HS2ST1: variants seen among roughly 807,000 people sequenced by gnomAD.
HS2ST1 encodes the protein heparan sulfate 2-O-sulfotransferase 1.
In HS2ST1, 18 loss-of-function variants were observed where a neutral mutation model predicts 42.9. That is an observed-to-expected ratio of 0.42 (90% CI 0.29 to 0.62). The LOEUF (loss-of-function observed/expected upper bound fraction) is 0.62. Among genes scored for constraint, HS2ST1 ranks in the 20% least tolerant of loss-of-function variants. The probability of loss-of-function intolerance (pLI) is 0.21; values close to 1 mark genes in which losing one functional copy is unlikely to be tolerated. For synonymous variants in HS2ST1, 146 were observed against 152.9 expected (o/e 0.95, Z 0.33); for missense variants, 334 against 433.8 (o/e 0.77, Z 2.04).
chr1:86,960,843 CA>C (rs932786587), intron 1 of HS2ST1, among the ~76,000 whole-genome samples: 2 of 151,894 alleles, frequency 1.3e-5, no homozygotes, highest in African/African-American at 4.8e-5. Flanking sequence ...TAATAACCTT[CA>C]AAAGACACTT....
intron 1 of HS2ST1, among the ~76,000 whole-genome samples, chr1:86,933,299 T>A (rs1451010661): frequency 6.6e-6 from 1 of 152,192 alleles, no homozygotes; most frequent in Non-Finnish European, 1.5e-5. Context: ...TTATCCATAG[T>A]TACACCTTTT....
chr1:87,076,191 T>C (rs1383902003), intron 2 of HS2ST1, among the ~76,000 whole-genome samples: 2 of 152,096 alleles, frequency 1.3e-5, no homozygotes, highest in African/African-American at 4.8e-5. Context: ...GTCAGTATCA[T>C]AACAACCAAA....
intron 1 of HS2ST1, among the ~76,000 whole-genome samples, chr1:87,006,489 T>A (rs1313716187): frequency 6.6e-6 from 1 of 152,158 alleles, no homozygotes; most frequent in East Asian, 1.9e-4. Context: ...TGATGAAGCC[T>A]ATTATCATGA....
chr1:87,048,922 C>T (rs879940090), intron 1 of HS2ST1, among the ~76,000 whole-genome samples: 1 of 152,104 alleles, frequency 6.6e-6, no homozygotes, highest in Non-Finnish European at 1.5e-5. Flanking sequence ...AGGCTGGCTT[C>T]AGAGACTCAA....
At chr1:87,064,204 T>C (rs1014903371) in intron 1 of HS2ST1, among the ~76,000 whole-genome samples, 5 of 152,324 alleles carry the variant, frequency 3.3e-5, no homozygotes, top group Non-Finnish European at 5.9e-5. Context: ...GAGAATAGGT[T>C]TTTGTAGGGA....
chr1:86,975,198 T>G (rs1648361850), intron 1 of HS2ST1, among the ~76,000 whole-genome samples: 1 of 152,126 alleles, frequency 6.6e-6, no homozygotes, highest in African/African-American at 2.4e-5. Context: ...TACGCATATT[T>G]TAAAATCATG....
chr1:86,980,567 G>A (rs72951409), intron 1 of HS2ST1, among the ~76,000 whole-genome samples: 3,582 of 152,084 alleles, frequency 0.024, 70 homozygotes, highest in African/African-American at 0.049. Flanking sequence ...ATAATTTAGG[G>A]ATGATGTTTA....
intron 1 of HS2ST1, among the ~76,000 whole-genome samples, chr1:86,982,883 C>T (rs928606129): frequency 6.6e-6 from 1 of 152,190 alleles, no homozygotes; most frequent in South Asian, 2.1e-4. Context: ...TCGTCTCTCT[C>T]AAGTTCAAAG....
chr1:87,016,833 T>C lies in HS2ST1; in HGVS notation c.125-56101T>C, dbSNP rs538996982. On this transcript the variant is annotated intron_variant, in intron 1 of 6. Transcript: ENST00000370550. ...GAGTTGCTATAGGATGGTGGAGATT[T>C]TTGACCGTCAGTTTCTTTAATGGTT... Among the ~76,000 whole-genome samples, 58 of 151,164 alleles carry C rather than the reference T, an allele frequency of 3.8e-4. No individual in the cohort carries two copies. In the South Asian group the frequency reaches 0.012, roughly 31 times the overall value.
intron 5 of HS2ST1, among the ~76,000 whole-genome samples, chr1:87,099,602 T>C (rs973562676): frequency 6.6e-6 from 1 of 152,196 alleles, no homozygotes; most frequent in Non-Finnish European, 1.5e-5. Flanking sequence ...CCAAACCATA[T>C]TATTCTGCCC....
At chr1:86,971,735 T>C (rs966774772) in intron 1 of HS2ST1, among the ~76,000 whole-genome samples, 1 of 152,226 alleles carries the variant, frequency 6.6e-6, no homozygotes, top group Non-Finnish European at 1.5e-5. Context: ...CATTGCATCA[T>C]GTTTTTGATC....
At chr1:87,003,542 TG>T (rs1649349885) in intron 1 of HS2ST1, among the ~76,000 whole-genome samples, 2 of 152,194 alleles carry the variant, frequency 1.3e-5, no homozygotes, top group Admixed American at 6.5e-5. Context: ...CGTCAATTTT[TG>T]TAATTTCTTT....
intron 1 of HS2ST1, chr1:86,956,589 A>G (rs1418133985): frequency 6.6e-6 from 1 of 152,148 alleles, no homozygotes; most frequent in Non-Finnish European, 1.5e-5. Context: ...TTTTTCTTCT[A>G]TAAATTCTTT....
chr1:87,058,043 T>C (rs1332648503), intron 1 of HS2ST1, among the ~76,000 whole-genome samples: 1 of 151,562 alleles, frequency 6.6e-6, no homozygotes, highest in Non-Finnish European at 1.5e-5. Context: ...AGCCTCGGGG[T>C]GAGTGGGTGG....
rs1337657523 is a variant in HS2ST1 at position 86,992,046 on chromosome 1, A to G, written c.124+76886A>G. Among the ~76,000 whole-genome samples the G allele has an allele frequency of 3.9e-5, 6 of 152,112 alleles. No individual in the cohort carries two copies. The East Asian group carries it at 9.6e-4, about 24-fold the overall frequency. ...CTCCCGTCAGATCAGTGGCAGCACT[A>G]GATTCTCACAGGAGCTGTTAACCCT... On this transcript the variant is annotated intron_variant, in intron 1 of 6. Transcript: ENST00000370550.
chr1:86,954,040 TAAAAAAAAAAAAAAAAAAA>T lies in HS2ST1; in HGVS notation c.124+38891_124+38909del, dbSNP rs367757359. On this transcript the variant is annotated intron_variant, in intron 1 of 6. Transcript: ENST00000370550. Reference sequence around the variant, plus strand: ...TAATAACAAACATCACTGTTTTTTTTAAAAAAAAAAAAAAAAAAAAAAAAAAAAAGGCCGGGCTTGGTGG... The same window carrying T: ...TAATAACAAACATCACTGTTTTTTTTAAAAAAAAAAGGCCGGGCTTGGTGG... 2.7e-4 allele frequency among the ~76,000 whole-genome samples: 18 copies of T among 67,358 alleles called. No homozygotes were observed. The Admixed American group carries it at 4.0e-3, about 15-fold the overall frequency. 44.2% of individuals were successfully genotyped at this position (67,358 alleles called of 152,430 possible). A position where few individuals can be genotyped will look rare whatever the true frequency, so the allele number is the denominator to read the frequency against.
intron 1 of HS2ST1, among the ~76,000 whole-genome samples, chr1:87,065,782 A>G (rs1305096090): frequency 6.6e-6 from 1 of 152,146 alleles, no homozygotes; most frequent in African/African-American, 2.4e-5. Context: ...CTGAAGTGTT[A>G]TTATTGCTGA....
intron 1 of HS2ST1, among the ~76,000 whole-genome samples, chr1:86,979,019 A>T (rs1252112916): frequency 5.3e-5 from 8 of 151,018 alleles, no homozygotes; most frequent in African/African-American, 1.9e-4. Context: ...GCGCCACCAC[A>T]CCTGGTTAAT....
Position 87,084,185 on chromosome 1 carries a change from C to G in HS2ST1, c.364-9C>G, listed in dbSNP as rs1354975957. ...AATTGTATATAATGAATGTGTTCTCCCTTTTTAGGTGCGCTTTGTAAAGAA... is the reference window on the plus strand; with the variant it reads ...AATTGTATATAATGAATGTGTTCTCGCTTTTTAGGTGCGCTTTGTAAAGAA... On this transcript the variant is annotated splice_polypyrimidine_tract_variant and intron_variant, in intron 2 of 6. Coordinates refer to ENST00000370550, the MANE Select transcript of HS2ST1 (RefSeq NM_012262.4). 1 of 1,539,602 alleles carries G rather than the reference C, an allele frequency of 6.5e-7. No individual in the cohort carries two copies. Among genetic ancestry groups the G allele is most frequent in the African/African-American group, 1.4e-5 (1 of 72,520 alleles).
Sources: allele counts gnomAD v4.1 joint callset (sites outside exome capture counted in the v4.1 genomes callset), GRCh38; gene constraint gnomAD v4.1.1; transcripts MANE v1.5; gene names NCBI Gene and HGNC (gene_info 2026-07-23, HGNC 2026-07-21).